The following GPR153 variants were observed in gnomAD, a reference collection of about 807,000 sequenced individuals.
GPR153 encodes the protein probable G protein-coupled receptor 153.
Under a neutral mutation model 34.1 loss-of-function variants are expected in GPR153, and 27 were observed. The observed-to-expected ratio is 0.79, with a 90% CI of 0.58 to 1.09. The LOEUF is 1.09. GPR153 is among the 50% of genes least tolerant of loss of function. The pLI, the probability that GPR153 is intolerant of heterozygous loss-of-function variation, is 0.00. For synonymous variants in GPR153, 408 were observed against 405.4 expected, an observed-to-expected ratio of 1.01 and a Z score of -0.08; for missense variants, 848 against 860.2, an observed-to-expected ratio of 0.99 and a Z score of 0.18.
Position 6,251,015 on chromosome 1 carries a change from G to T in GPR153, c.979+323C>A, listed in dbSNP as rs1263019900. ...TCGGTCTGCAGGAGCCCCCAGGGCAGCTTGCTGGGGATCCCTGAGGTTGGG... is the reference window on the plus strand; with the variant it reads ...TCGGTCTGCAGGAGCCCCCAGGGCATCTTGCTGGGGATCCCTGAGGTTGGG... On this transcript the variant is annotated intron_variant, in intron 4 of 5. Coordinates refer to ENST00000377893, the MANE Select transcript of GPR153 (RefSeq NM_207370.4). This position sits in a 1 kb window ranked among gnomAD's most constrained non-coding sequence, Gnocchi z 4.9. Among the ~76,000 whole-genome samples the T allele has an allele frequency of 6.6e-6, 1 of 152,068 alleles. No homozygotes were observed. Among genetic ancestry groups the T allele is most frequent in the Non-Finnish European group, 1.5e-5 (1 of 67,996 alleles).
chr1:6,253,945 C>T lies in GPR153; in HGVS notation c.559G>A (p.Gly187Ser), dbSNP rs1638506285. 1 of 1,612,140 alleles carries T rather than the reference C, an allele frequency of 6.2e-7. No individual in the cohort carries two copies. The highest frequency in any genetic ancestry group is 8.5e-7 in the Non-Finnish European group (1 of 1,179,580). Residue 187 changes from glycine (G) to serine (S), a missense_variant, in exon 3 of 6, where the codon GGC (glycine) becomes AGC (serine). Coordinates refer to ENST00000377893, the MANE Select transcript of GPR153 (RefSeq NM_207370.4). The part of the protein sequence containing the change: ...LLLVGGSVAM[G>S]VICTAIALFQ... ...AGGGCGATGGCTGTGCAGATCACGCCCATGGCCACGCTGCCGCCCACCAGC... is the reference window on the plus strand; with the variant it reads ...AGGGCGATGGCTGTGCAGATCACGCTCATGGCCACGCTGCCGCCCACCAGC...
Position 6,250,557 on chromosome 1 carries a change from TC to T in GPR153, c.1046del (p.Gly349GlufsTer7). 6.3e-7 allele frequency: 1 copy of T among 1,597,752 alleles called. No homozygotes were observed. The highest frequency in any genetic ancestry group is 1.1e-5 in the South Asian group (1 of 88,494). On this transcript the variant is annotated frameshift_variant, in exon 5 of 6. Coordinates refer to ENST00000377893, the MANE Select transcript of GPR153 (RefSeq NM_207370.4). LOFTEE classifies it high-confidence loss of function. ...TCCTATCTAGGGCCACAAAATCACC[TC>T]CATAGCCATAGTCCAGGGAGCGCTC... ...VLERSLDYGYGGDFVALDRMA... is the reference protein window; with the variant it reads ...VLERSLDYGYXGDFVALDRMA...
intron 1 of GPR153, among the ~76,000 whole-genome samples, chr1:6,255,903 C>T (rs1314145594): frequency 5.9e-5 from 9 of 151,986 alleles, no homozygotes; most frequent in African/African-American, 1.5e-4. Flanking sequence ...CCACCCGCCT[C>T]GGCCTCCCAA....
chr1:6,254,177 T>A (rs774749979), intron 2 of GPR153, 30 bp from the exon 3 acceptor site: 1 of 1,579,700 alleles, frequency 6.3e-7, no homozygotes, highest in South Asian at 1.2e-5. Flanking sequence ...AACAGAGGGA[T>A]CTGGCGTCAC....
chr1:6,254,637 A>G lies in GPR153; in HGVS notation c.269T>C (p.Phe90Ser). 1 of 1,613,508 alleles carries G rather than the reference A, an allele frequency of 6.2e-7. No homozygotes were observed. ...ACAGGTGGCCAGGGTGAGGGTGTAG[A>G]AGGTGGACACGAAGACCTTGCAGAG... Reference protein sequence around the residue: ...EGLCKVFVSTFYTLTLATCFS... With the variant: ...EGLCKVFVSTSYTLTLATCFS... Residue 90 changes from phenylalanine to serine, a missense_variant, in exon 2 of 6, where the codon TTC becomes TCC. Phe to Ser is a radical substitution (Grantham distance 155). Coordinates refer to ENST00000377893, the MANE Select transcript of GPR153 (RefSeq NM_207370.4).
intron 1 of GPR153, among the ~76,000 whole-genome samples, chr1:6,258,318 G>A (rs1388676763): frequency 6.6e-6 from 1 of 152,128 alleles, no homozygotes. Flanking sequence ...TAGTAGAGAC[G>A]AGGTTTCATC....
chr1:6,258,352 C>T (rs1001675479), intron 1 of GPR153, among the ~76,000 whole-genome samples: 1 of 152,224 alleles, frequency 6.6e-6, no homozygotes, highest in African/African-American at 2.4e-5. Context: ...TGGTCTCGAA[C>T]TCCTGACCTC....
intron 1 of GPR153, among the ~76,000 whole-genome samples, chr1:6,255,866 C>G (rs1638559997): frequency 6.6e-6 from 1 of 151,850 alleles, no homozygotes; most frequent in East Asian, 1.9e-4. Flanking sequence ...GTTGGTCAGG[C>G]TGGTCTTGAA....
At chr1:6,255,671 G>C in intron 1 of GPR153, among the ~76,000 whole-genome samples, 1 of 8,550 alleles carries the variant, frequency 1.2e-4, no homozygotes, top group Non-Finnish European at 2.7e-4. Flanking sequence ...TTTTTTTTTT[G>C]AGATAGAATC....
rs1638392924 is a variant in GPR153 at position 6,249,698 on chromosome 1, G to C, written c.1470C>G (p.Gly490=). ...PGSPRRRPGP[G]PRSASASLLP... The stretch of plus-strand genomic sequence containing the variant: ...GCAGCGAGGCCGAGGCGGAGCGGGG[G>C]CCGGGCCCGGGGCGGCGGCGCGGGC... The change falls in exon 6 of 6, where the codon GGC becomes GGG. Residue 490 remains glycine (G), a synonymous_variant. Coordinates refer to ENST00000377893, the MANE Select transcript of GPR153 (RefSeq NM_207370.4). The surrounding 1 kb of genome is among the most constrained non-coding windows in gnomAD (Gnocchi z 4.3). 1 of 1,039,858 alleles carries C rather than the reference G, an allele frequency of 9.6e-7. No homozygotes were observed. The highest frequency in any genetic ancestry group is 4.6e-4 in the Middle Eastern group (1 of 2,196). The allele number at this position is 1,039,858 out of a possible 1,614,324, so 64.4% of individuals were successfully genotyped here.
At position 6,250,483 on chromosome 1, in the gene GPR153, T is replaced by A. The variant is rs1199552185; in HGVS notation, c.1121A>T (p.Tyr374Phe). 6.2e-7 allele frequency: 1 copy of A among 1,609,784 alleles called. No individual in the cohort carries two copies. Among genetic ancestry groups the A allele is most frequent in the African/African-American group, 1.3e-5 (1 of 74,854 alleles). The change falls in exon 5 of 6, where the codon TAC becomes TTC. Residue 374 changes from tyrosine (Y) to phenylalanine (F), a missense_variant. Transcript: ENST00000377893. ...GTCCTCCTGCAAGGGCCGCAGTGGG[T>A]AGAGCTGGGGCAGGCCCCCCTCCAG... is the stretch of plus-strand genomic sequence containing the variant. ...SALEGGLPQLYPLRPLQEDKM... is the reference protein window; with the variant it reads ...SALEGGLPQLFPLRPLQEDKM...
rs1157151818 is a variant in GPR153 at position 6,251,621 on chromosome 1, G to A, written c.787-91C>T. On this transcript the variant is annotated intron_variant, in intron 3 of 5. Transcript: ENST00000377893. The surrounding 1 kb of genome is among the most constrained non-coding windows in gnomAD (Gnocchi z 4.9). ...TCTCGGTCTCCCCATGTGTACGGCAGGTCTGACAGGTGGGTATCTGCCAAG... is the reference window on the plus strand; with the variant it reads ...TCTCGGTCTCCCCATGTGTACGGCAAGTCTGACAGGTGGGTATCTGCCAAG... The A allele has an allele frequency of 5.2e-6, 7 of 1,337,812 alleles. No individual in the cohort carries two copies. In the Admixed American group the frequency reaches 1.9e-4, roughly 37 times the overall value. 82.9% of individuals were successfully genotyped at this position (1,337,812 alleles called of 1,614,324 possible).
intron 1 of GPR153, among the ~76,000 whole-genome samples, chr1:6,258,979 G>C (rs1364873264): frequency 6.6e-6 from 1 of 152,252 alleles, no homozygotes; most frequent in Non-Finnish European, 1.5e-5. Flanking sequence ...TAGGTCTGAA[G>C]GCAGGGTGCA....
chr1:6,253,978 A>G lies in GPR153; in HGVS notation c.526T>C (p.Phe176Leu). The G allele has an allele frequency of 1.2e-6, 2 of 1,613,088 alleles. No homozygotes were observed. Among genetic ancestry groups the G allele is most frequent in the Non-Finnish European group, 1.7e-6 (2 of 1,179,848 alleles). Residue 176 changes from phenylalanine to leucine, a missense_variant, in exon 3 of 6, where the codon TTC becomes CTC. Phe to Leu is a conservative substitution (Grantham distance 22). Transcript: ENST00000377893. ...AEIGLGFGVC[F>L]LLLVGGSVAM... Reference sequence around the variant, plus strand: ...ACGCTGCCGCCCACCAGCAGCAGGAAGCAGACGCCAAAGCCCAGGCCGATC... The same window carrying G: ...ACGCTGCCGCCCACCAGCAGCAGGAGGCAGACGCCAAAGCCCAGGCCGATC...
Position 6,254,556 on chromosome 1 carries a change from T to C in GPR153, c.350A>G (p.Asn117Ser). The C allele has an allele frequency of 1.3e-6, 2 of 1,564,782 alleles. No homozygotes were observed. Among genetic ancestry groups the C allele is most frequent in the African/African-American group, 1.4e-5 (1 of 73,462 alleles). ...HRMWMVCWPV[N>S]YRLSNAKKQA... is the part of the protein sequence containing the mutation. ...CAGAACTTCACATGCTCACCGGTAG[T>C]TGACAGGCCAGCAGACCATCCACAT... Residue 117 changes from asparagine to serine, a missense_variant, in exon 2 of 6, where the codon AAC (asparagine) becomes AGC (serine). By Grantham distance (46) the Asn-to-Ser change is conservative. Transcript: ENST00000377893.
chr1:6,258,345 T>G (rs1183290316), intron 1 of GPR153, among the ~76,000 whole-genome samples: 1 of 152,168 alleles, frequency 6.6e-6, no homozygotes, highest in African/African-American at 2.4e-5. Flanking sequence ...GCCAGGCTGG[T>G]CTCGAACTCC....
chr1:6,259,721 C>A (rs1304231975), intron 1 of GPR153, among the ~76,000 whole-genome samples: 1 of 152,136 alleles, frequency 6.6e-6, no homozygotes, highest in Non-Finnish European at 1.5e-5. Context: ...CACCGGGTTC[C>A]AAGTGCAGAG....
At chr1:6,259,991 G>T (rs1164903688) in intron 1 of GPR153, among the ~76,000 whole-genome samples, 1 of 152,082 alleles carries the variant, frequency 6.6e-6, no homozygotes, top group African/African-American at 2.4e-5. Context: ...AGCATCTCAG[G>T]ACCCGGCTTC....
chr1:6,254,738 A>G lies in GPR153; in HGVS notation c.168T>C (p.Asn56=), dbSNP rs1230141556. The stretch of plus-strand genomic sequence containing the variant: ...AGTAGGTGGCGATGGGCACGGCCAC[A>G]TTTAGCATGTGGGTGGCCGCGAGTG... The part of the protein sequence containing the change: ...LCTLAATHML[N]VAVPIATYSV... The change falls in exon 2 of 6, where the codon AAT becomes AAC. Residue 56 remains asparagine, a synonymous_variant. Coordinates refer to ENST00000377893, the MANE Select transcript of GPR153 (RefSeq NM_207370.4). 1.2e-6 allele frequency: 2 copies of G among 1,613,770 alleles called. No homozygotes were observed. The highest frequency in any genetic ancestry group is 1.7e-5 in the Admixed American group (1 of 59,996).
Sources: allele counts gnomAD v4.1 joint callset (sites outside exome capture counted in the v4.1 genomes callset), GRCh38; gene constraint gnomAD v4.1.1; non-coding constraint Gnocchi (gnomAD v3.1); transcripts MANE v1.5; gene names NCBI Gene and HGNC (gene_info 2026-07-23, HGNC 2026-07-21).